CAMK2B: variants seen among roughly 807,000 people sequenced by gnomAD.
CAMK2B encodes calcium/calmodulin dependent protein kinase II beta.
CAMK2B carries 27 observed loss-of-function variants against 93.7 expected under a neutral mutation model. The observed-to-expected ratio is 0.29, with a 90% CI of 0.21 to 0.40. CAMK2B has a LOEUF of 0.40. CAMK2B is among the 10% of genes least tolerant of loss of function. The pLI is 1.00. For missense variants in CAMK2B, 568 were observed against 895.8 expected, an observed-to-expected ratio of 0.63 and a Z score of 4.67; for synonymous variants, 374 against 358.8, an observed-to-expected ratio of 1.04 and a Z score of -0.48.
intron 1 of CAMK2B, among the ~76,000 whole-genome samples, chr7:44,290,074 T>A (rs538225466): frequency 2.0e-5 from 3 of 152,138 alleles, no homozygotes; most frequent in African/African-American, 7.2e-5. Context: ...CTCTCCTCAC[T>A]CAGATGTTGC....
intron 20 of CAMK2B, 57 bp downstream of exon 20, chr7:44,226,459 G>C: frequency 7.6e-7 from 1 of 1,318,926 alleles, no homozygotes; most frequent in Non-Finnish European, 9.8e-7. Flanking sequence ...TGCCAGGCTC[G>C]CACGCCCCGA....
Position 44,237,191 on chromosome 7 carries a change from G to A in CAMK2B, c.1021+2398C>T, listed in dbSNP as rs1306824918. Among the ~76,000 whole-genome samples the A allele has an allele frequency of 6.6e-5, 10 of 152,250 alleles. No homozygotes were observed. In the East Asian group the frequency reaches 1.9e-3, roughly 29 times the overall value. ...TCCTCAGAAGATTCTCACAGGAAAG[G>A]AGGCACCACAGTTAGGCCCATCGGC... On this transcript the variant is annotated intron_variant, in intron 13 of 23. Transcript: ENST00000395749.
At chr7:44,233,834 G>A (rs2096601322) in intron 15 of CAMK2B, among the ~76,000 whole-genome samples, 1 of 152,142 alleles carries the variant, frequency 6.6e-6, no homozygotes. Context: ...CAGAGGTGAC[G>A]GCAAGCCCTC....
At chr7:44,293,885 G>A (rs1359967427) in intron 1 of CAMK2B, among the ~76,000 whole-genome samples, 1 of 152,148 alleles carries the variant, frequency 6.6e-6, no homozygotes, top group Non-Finnish European at 1.5e-5. Flanking sequence ...ACATGTTTCT[G>A]TGACACCGTG....
chr7:44,241,679 G>C, intron 11 of CAMK2B, 21 bp downstream of exon 11: 1 of 1,595,894 alleles, frequency 6.3e-7, no homozygotes, highest in Non-Finnish European at 8.6e-7. Flanking sequence ...CCGTGCCTGG[G>C]ACTAGGGGCC....
chr7:44,282,145 G>A (rs997536766), intron 2 of CAMK2B, among the ~76,000 whole-genome samples: 2 of 152,226 alleles, frequency 1.3e-5, no homozygotes, highest in African/African-American at 4.8e-5. Context: ...CAGGCAGGGA[G>A]TGTCCAGGCC....
rs1472177299 is a variant in CAMK2B at position 44,271,976 on chromosome 7, C to T, written c.161-8912G>A. Among the ~76,000 whole-genome samples the T allele has an allele frequency of 1.3e-5, 2 of 152,350 alleles. No homozygotes were observed. The highest frequency in any genetic ancestry group is 1.9e-4 in the East Asian group (1 of 5,182). On this transcript the variant is annotated intron_variant, in intron 2 of 23. Transcript: ENST00000395749. This position sits in a 1 kb window ranked among gnomAD's most constrained non-coding sequence, Gnocchi z 4.2. ...CACCCATGAAACAGGGCTGTTGCTG[C>T]GTCACCCCAGCTTTCAGATGGGGGC...
At chr7:44,298,252 A>T (rs1447696301) in intron 1 of CAMK2B, among the ~76,000 whole-genome samples, 1 of 152,212 alleles carries the variant, frequency 6.6e-6, no homozygotes, top group African/African-American at 2.4e-5. Flanking sequence ...CCATATATTG[A>T]TTTTCAACAA....
At position 44,289,814 on chromosome 7, in the gene CAMK2B, G is replaced by C. The variant is rs186068856; in HGVS notation, c.66-5589C>G. ...GCTGAGCTCCCGCAGGGCAGCGCTG[G>C]GCCACGCAGGATCAAAGCGGCCTCT... On this transcript the variant is annotated intron_variant, in intron 1 of 23. Transcript: ENST00000395749. 4.6e-5 allele frequency among the ~76,000 whole-genome samples: 7 copies of C among 152,344 alleles called. No homozygotes were observed. In the East Asian group the frequency reaches 1.4e-3, roughly 29 times the overall value.
At chr7:44,321,560 C>A (rs759424699) in intron 1 of CAMK2B, among the ~76,000 whole-genome samples, 22 of 152,102 alleles carry the variant, frequency 1.4e-4, no homozygotes, top group Admixed American at 2.6e-4. Context: ...CCTTTCTGGA[C>A]AATTGGAATC....
chr7:44,238,602 G>C (rs920816947), intron 13 of CAMK2B, among the ~76,000 whole-genome samples: 1 of 152,338 alleles, frequency 6.6e-6, no homozygotes, highest in East Asian at 1.9e-4. Flanking sequence ...AGGGTTCTCT[G>C]GCTGGGAAGG....
intron 18 of CAMK2B, 143 bp downstream of exon 18, chr7:44,229,245 G>A (rs781637745): frequency 5.8e-5 from 37 of 635,446 alleles, no homozygotes; most frequent in Non-Finnish European, 9.4e-5. Flanking sequence ...GGCCACCCTG[G>A]AAAGCCCCAG....
chr7:44,269,664 G>A (rs1348787784), intron 2 of CAMK2B, among the ~76,000 whole-genome samples: 2 of 152,186 alleles, frequency 1.3e-5, no homozygotes, highest in Admixed American at 6.5e-5. Context: ...GCACCTCCAG[G>A]AGGACACTGC....
chr7:44,227,878 CAG>C (rs138364869), intron 19 of CAMK2B, among the ~76,000 whole-genome samples: 15,889 of 107,078 alleles, frequency 0.15, 1,282 homozygotes, highest in East Asian at 0.23. Flanking sequence ...ATTTGGGGGA[CAG>C]AGGGGGATGT....
chr7:44,320,054 C>T (rs542046048), intron 1 of CAMK2B, among the ~76,000 whole-genome samples: 3 of 152,186 alleles, frequency 2.0e-5, no homozygotes, highest in South Asian at 2.1e-4. Context: ...TTTTACGGCA[C>T]GTACTTCTGT....
rs1369763498 is a variant in CAMK2B at position 44,271,704 on chromosome 7, C to T, written c.161-8640G>A. On this transcript the variant is annotated intron_variant, in intron 2 of 23. Coordinates refer to ENST00000395749, the MANE Select transcript of CAMK2B (RefSeq NM_001220.5). The surrounding 1 kb of genome is among the most constrained non-coding windows in gnomAD (Gnocchi z 4.2). ...CAGCCCCTCTCCTCTGACTCTCCTC[C>T]CTGGCTGGTAAATGTGAAGTAGAAC... 6.6e-6 allele frequency among the ~76,000 whole-genome samples: 1 copy of T among 152,206 alleles called. No homozygotes were observed. Among genetic ancestry groups the T allele is most frequent in the Admixed American group, 6.5e-5 (1 of 15,284 alleles).
intron 1 of CAMK2B, among the ~76,000 whole-genome samples, chr7:44,307,623 T>C (rs1291957382): frequency 6.6e-6 from 1 of 152,010 alleles, no homozygotes; most frequent in African/African-American, 2.4e-5. Flanking sequence ...ACCTACTCCC[T>C]GGGACAAGGC....
chr7:44,303,998 C>T (rs899150085), intron 1 of CAMK2B, among the ~76,000 whole-genome samples: 8 of 152,072 alleles, frequency 5.3e-5, no homozygotes, highest in African/African-American at 1.7e-4. Flanking sequence ...AAAATATGCT[C>T]GACATCGTAA....
rs1030078899 is a variant in CAMK2B, at chr7:44,271,879, A to G, written c.161-8815T>C. ...AAAACTGCTCCTTGAGAATGACCCT[A>G]TGAGTCCCTTCAGGGTAGTGACTTC... On this transcript the variant is annotated intron_variant, in intron 2 of 23. Coordinates refer to ENST00000395749, the MANE Select transcript of CAMK2B (RefSeq NM_001220.5). This position sits in a 1 kb window ranked among gnomAD's most constrained non-coding sequence, Gnocchi z 4.2. 2.0e-5 allele frequency among the ~76,000 whole-genome samples: 3 copies of G among 152,214 alleles called. No individual in the cohort carries two copies. Among genetic ancestry groups the G allele is most frequent in the African/African-American group, 4.8e-5 (2 of 41,464 alleles).
Sources: allele counts gnomAD v4.1 joint callset (sites outside exome capture counted in the v4.1 genomes callset), GRCh38; gene constraint gnomAD v4.1.1; non-coding constraint Gnocchi (gnomAD v3.1); transcripts MANE v1.5; gene names NCBI Gene and HGNC (gene_info 2026-07-23, HGNC 2026-07-21).